INSL6: variants seen among roughly 807,000 people sequenced by gnomAD.
INSL6 encodes insulin-like peptide INSL6.
In INSL6, 16 loss-of-function variants were observed where a neutral mutation model predicts 9.4. That is an observed-to-expected ratio of 1.70 (90% confidence interval 1.15 to 2.59). The LOEUF is 2.59. Ranked by LOEUF, INSL6 falls within the 30% of genes most tolerant of loss-of-function variation. INSL6 has a pLI of 0.00. For synonymous variants in INSL6, 154 were observed against 96.9 expected, an observed-to-expected ratio of 1.59 and a Z score of -3.46; for missense variants, 391 against 257.3, an observed-to-expected ratio of 1.52 and a Z score of -3.56.
chr9:5,038,238 C>T, the INSL6 span, among the ~76,000 whole-genome samples: 1 of 152,074 alleles, frequency 6.6e-6, no homozygotes, highest in Admixed American at 6.5e-5. Context: ...GTTATAGGAA[C>T]TGCTAAAAGA....
the INSL6 span, among the ~76,000 whole-genome samples, chr9:5,046,605 T>C: frequency 1.3e-5 from 2 of 152,214 alleles, no homozygotes; most frequent in Admixed American, 1.3e-4. Context: ...CCAACTTCTT[T>C]TGCTTGTGAA....
At chr9:5,146,707 G>A (rs973843173) in intron 2 of INSL6, among the ~76,000 whole-genome samples, 1 of 152,240 alleles carries the variant, frequency 6.6e-6, no homozygotes, top group Non-Finnish European at 1.5e-5. Context: ...TGCTGGTGGG[G>A]CAAGTAAAGC....
the INSL6 span, chr9:5,041,354 A>C: frequency 1.6e-6 from 1 of 638,364 alleles, no homozygotes; most frequent in Non-Finnish European, 2.9e-6. Context: ...GGCGTGCTAC[A>C]TGAGCATCAA....
chr9:5,153,361 G>A (rs1211051491), intron 2 of INSL6, among the ~76,000 whole-genome samples: 3 of 152,170 alleles, frequency 2.0e-5, no homozygotes, highest in African/African-American at 4.8e-5. Flanking sequence ...GCACGGAGGA[G>A]CATCCGCCAT....
chr9:5,061,759 C>T, the INSL6 span, among the ~76,000 whole-genome samples: 1 of 152,204 alleles, frequency 6.6e-6, no homozygotes, highest in Non-Finnish European at 1.5e-5. Flanking sequence ...TCATAACTTG[C>T]CTTTTTAGTG....
the INSL6 span, among the ~76,000 whole-genome samples, chr9:5,030,929 T>G: frequency 6.6e-6 from 1 of 152,000 alleles, no homozygotes; most frequent in Admixed American, 6.5e-5. Context: ...TGTACAAAAA[T>G]CAACAGCATT....
At chr9:5,039,223 A>C in the INSL6 span, among the ~76,000 whole-genome samples, 11 of 152,104 alleles carry the variant, frequency 7.2e-5, no homozygotes, top group African/African-American at 2.7e-4. Context: ...AATTGTAGTC[A>C]TCCCGCTGTA....
intron 1 of INSL6, among the ~76,000 whole-genome samples, chr9:5,177,998 C>T (rs893193763): frequency 2.6e-5 from 4 of 152,204 alleles, no homozygotes; most frequent in Non-Finnish European, 2.9e-5. Flanking sequence ...GCCTCAGCCT[C>T]CCAAGTAGCT....
the INSL6 span, among the ~76,000 whole-genome samples, chr9:5,118,211 T>G: frequency 1.3e-5 from 2 of 152,150 alleles, no homozygotes; most frequent in African/African-American, 4.8e-5. Flanking sequence ...ATCACCCACT[T>G]AAAAAGATTA....
the INSL6 span, chr9:5,069,243 G>A: frequency 7.0e-7 from 1 of 1,426,270 alleles, no homozygotes; most frequent in African/African-American, 1.4e-5. Context: ...TAAATTACTG[G>A]TCATGGATTG....
the INSL6 span, among the ~76,000 whole-genome samples, chr9:5,048,671 T>C: frequency 1.3e-5 from 2 of 152,240 alleles, no homozygotes; most frequent in African/African-American, 2.4e-5. Context: ...TGGTTCTTAA[T>C]AGTTTATTTT....
intron 1 of INSL6, among the ~76,000 whole-genome samples, chr9:5,181,019 G>A (rs1050090631): frequency 6.6e-5 from 10 of 152,100 alleles, no homozygotes; most frequent in South Asian, 2.1e-4. Context: ...CACCCCCGGC[G>A]GCCCAGCTGT....
the INSL6 span, chr9:5,029,706 C>T: frequency 1.4e-3 from 1,791 of 1,318,614 alleles, 22 homozygotes; most frequent in African/African-American, 0.024. Flanking sequence ...ACTTTAGCTT[C>T]ATTTCAAATT....
At chr9:5,151,870 C>A (rs1564042876) in intron 2 of INSL6, among the ~76,000 whole-genome samples, 1 of 151,846 alleles carries the variant, frequency 6.6e-6, no homozygotes. Flanking sequence ...AAAGCAAGAA[C>A]CAATGACACG....
chr9:5,106,865 C>G, the INSL6 span, among the ~76,000 whole-genome samples: 140 of 152,204 alleles, frequency 9.2e-4, 1 homozygote, highest in African/African-American at 3.1e-3. Flanking sequence ...CACTTGGACA[C>G]ATGGCAGGGA....
the INSL6 span, among the ~76,000 whole-genome samples, chr9:5,032,288 G>C: frequency 6.6e-6 from 1 of 152,234 alleles, no homozygotes; most frequent in Non-Finnish European, 1.5e-5. Flanking sequence ...AGCTCAAGGA[G>C]GCCTGCCGGC....
the INSL6 span, among the ~76,000 whole-genome samples, chr9:5,107,607 C>T: frequency 6.6e-6 from 1 of 152,232 alleles, no homozygotes; most frequent in South Asian, 2.1e-4. Context: ...GATTTCGATT[C>T]ATTAGATTAT....
the INSL6 span, among the ~76,000 whole-genome samples, chr9:5,012,801 G>A: frequency 2.0e-5 from 3 of 152,268 alleles, no homozygotes; most frequent in East Asian, 5.8e-4. Context: ...TGATGAGGTT[G>A]GAGAGGTAAG....
At chr9:5,161,853 G>A (rs141972979), downstream of INSL6, among the ~76,000 whole-genome samples, 168 of 152,188 alleles carry the variant, frequency 1.1e-3, 2 homozygotes, top group East Asian at 0.013. Context: ...GCCAAGGTGG[G>A]AGGATCACTT....
Sources: allele counts gnomAD v4.1 joint callset (sites outside exome capture counted in the v4.1 genomes callset), GRCh38; gene constraint gnomAD v4.1.1; transcripts MANE v1.5; gene names NCBI Gene and HGNC (gene_info 2026-07-23, HGNC 2026-07-21).